Variants in SCHIP1 observed in about 807,000 individuals in gnomAD.
The protein encoded by SCHIP1 is schwannomin-interacting protein 1.
A neutral mutation model predicts 29.7 loss-of-function variants in SCHIP1; 8 were observed. The observed-to-expected ratio is 0.27, with a 90% CI of 0.16 to 0.49. SCHIP1 has a LOEUF of 0.49. Among genes scored for constraint, SCHIP1 ranks in the 20% least tolerant of loss-of-function variants. SCHIP1 has a pLI of 0.99. For missense variants in SCHIP1, 193 were observed against 294.6 expected (o/e 0.66, Z 2.52); for synonymous variants, 76 against 94.9 (o/e 0.80, Z 1.16).
At chr3:159,759,313 G>A in the SCHIP1 span, among the ~76,000 whole-genome samples, 12 of 152,190 alleles carry the variant, frequency 7.9e-5, no homozygotes, top group South Asian at 1.0e-3. Flanking sequence ...GAGCTACCAT[G>A]CATCCAAGAA....
the SCHIP1 span, among the ~76,000 whole-genome samples, chr3:159,780,797 C>T: frequency 1.3e-5 from 2 of 152,214 alleles, no homozygotes; most frequent in East Asian, 3.9e-4. Flanking sequence ...AGCTAACTAG[C>T]CCCCATAGGG....
the SCHIP1 span, among the ~76,000 whole-genome samples, chr3:159,325,982 C>A: frequency 2.0e-5 from 3 of 152,050 alleles, no homozygotes; most frequent in African/African-American, 7.2e-5. Flanking sequence ...TGATTGGACA[C>A]TTGTAATGTG....
At chr3:159,869,603 C>T (rs1715020767) in intron 2 of SCHIP1, among the ~76,000 whole-genome samples, 1 of 151,872 alleles carries the variant, frequency 6.6e-6, no homozygotes, top group South Asian at 2.1e-4. Flanking sequence ...GTGTTAATTA[C>T]AATAGCTTCA....
At chr3:159,291,448 T>C in the SCHIP1 span, among the ~76,000 whole-genome samples, 1 of 152,070 alleles carries the variant, frequency 6.6e-6, no homozygotes, top group Non-Finnish European at 1.5e-5. Context: ...TTTACAAAGT[T>C]CCAGGCAATA....
the SCHIP1 span, among the ~76,000 whole-genome samples, chr3:159,693,191 T>C: frequency 6.6e-6 from 1 of 152,102 alleles, no homozygotes; most frequent in Non-Finnish European, 1.5e-5. Context: ...ATGCCATAAA[T>C]TGACAATTCA....
At chr3:159,358,663 G>A in the SCHIP1 span, among the ~76,000 whole-genome samples, 1 of 152,290 alleles carries the variant, frequency 6.6e-6, no homozygotes, top group South Asian at 2.1e-4. Flanking sequence ...AGACTTTGGA[G>A]AGTTTCAAAG....
At chr3:159,504,861 C>T in the SCHIP1 span, among the ~76,000 whole-genome samples, 3 of 152,054 alleles carry the variant, frequency 2.0e-5, no homozygotes, top group African/African-American at 7.3e-5. Context: ...TGGGAAATTT[C>T]CATACCGTGT....
chr3:159,738,252 C>A, the SCHIP1 span, among the ~76,000 whole-genome samples: 148 of 139,544 alleles, frequency 1.1e-3, no homozygotes, highest in African/African-American at 1.1e-3. Flanking sequence ...CTTTAAATTA[C>A]AAAAAAAAAA....
At chr3:159,798,672 C>A in the SCHIP1 span, among the ~76,000 whole-genome samples, 2 of 152,046 alleles carry the variant, frequency 1.3e-5, no homozygotes, top group Non-Finnish European at 2.9e-5. Context: ...GCACGAGAAT[C>A]GCTTCAACCC....
At chr3:159,814,109 G>A in the SCHIP1 span, among the ~76,000 whole-genome samples, 4 of 152,142 alleles carry the variant, frequency 2.6e-5, no homozygotes, top group South Asian at 2.1e-4. Flanking sequence ...GACCCTCTTC[G>A]GGATTGCCTG....
the SCHIP1 span, among the ~76,000 whole-genome samples, chr3:159,456,766 C>T: frequency 6.6e-6 from 1 of 152,068 alleles, no homozygotes; most frequent in Non-Finnish European, 1.5e-5. Flanking sequence ...TCTTGGTCAC[C>T]CTGACCTGAC....
chr3:159,811,212 TA>T, the SCHIP1 span, among the ~76,000 whole-genome samples: 1 of 152,218 alleles, frequency 6.6e-6, no homozygotes, highest in African/African-American at 2.4e-5. Flanking sequence ...CCAGAAATAG[TA>T]TTTGTGTATA....
chr3:159,312,348 C>T, the SCHIP1 span, among the ~76,000 whole-genome samples: 2 of 152,198 alleles, frequency 1.3e-5, no homozygotes, highest in South Asian at 2.1e-4. Context: ...GTAACCTAGG[C>T]AGACAAAGGT....
exon 2 of SCHIP1, chr3:159,866,184 T>G: frequency 1.2e-6 from 2 of 1,613,376 alleles, no homozygotes; most frequent in Non-Finnish European, 1.7e-6. Context: ...TGAGAGAGAG[T>G]CTATCAGACA....
the SCHIP1 span, among the ~76,000 whole-genome samples, chr3:159,338,566 A>G: frequency 6.6e-6 from 1 of 151,940 alleles, no homozygotes; most frequent in Admixed American, 6.6e-5. Flanking sequence ...TGAGAAGAGA[A>G]GTGATGTGAT....
chr3:159,773,701 T>C, the SCHIP1 span, among the ~76,000 whole-genome samples: 1 of 152,202 alleles, frequency 6.6e-6, no homozygotes, highest in Admixed American at 6.5e-5. Flanking sequence ...GTCAGAACAA[T>C]TATAAAATTG....
the SCHIP1 span, among the ~76,000 whole-genome samples, chr3:159,536,104 T>C: frequency 6.6e-6 from 1 of 152,328 alleles, no homozygotes; most frequent in African/African-American, 2.4e-5. Flanking sequence ...TATTGGCTAC[T>C]ATGTTGAACA....
the SCHIP1 span, among the ~76,000 whole-genome samples, chr3:159,609,736 C>T: frequency 3.3e-5 from 5 of 152,044 alleles, no homozygotes; most frequent in South Asian, 2.1e-4. Flanking sequence ...CTGGACGACT[C>T]GCCTCTGAGT....
chr3:159,473,674 G>GAAAAAAAAA, the SCHIP1 span, among the ~76,000 whole-genome samples: 316 of 81,244 alleles, frequency 3.9e-3, no homozygotes, highest in East Asian at 5.6e-3. Context: ...ATGTAACTAC[G>GAAAAAAAAA]AAAAAAAAAA....
Sources: allele counts gnomAD v4.1 joint callset (sites outside exome capture counted in the v4.1 genomes callset), GRCh38; gene constraint gnomAD v4.1.1; transcripts MANE v1.5; gene names NCBI Gene and HGNC (gene_info 2026-07-23, HGNC 2026-07-21).